HPSE2: variants seen among roughly 807,000 people sequenced by gnomAD.
HPSE2 encodes heparanase 2 (inactive), also known as inactive heparanase-2.
In HPSE2, 38 loss-of-function variants were observed where a neutral mutation model predicts 60.5. That is an observed-to-expected ratio of 0.63 (90% CI 0.48 to 0.82). The LOEUF (loss-of-function observed/expected upper bound fraction) is 0.82, where lower values mean the gene tolerates loss of function less well. Ranked by LOEUF, HPSE2 falls within the 40% of genes least tolerant of loss-of-function variation. HPSE2 has a pLI of 0.00. For missense variants in HPSE2, 713 were observed against 740.4 expected (o/e 0.96, Z 0.43); for synonymous variants, 295 against 293.2 (o/e 1.01, Z -0.06).
At chr10:98,562,094 A>T (rs955953449) in intron 9 of HPSE2, among the ~76,000 whole-genome samples, 1 of 151,478 alleles carries the variant, frequency 6.6e-6, no homozygotes, top group East Asian at 1.9e-4. Flanking sequence ...ATTTTCCCGT[A>T]CCTTTTCTAT....
At chr10:99,034,612 GAC>G (rs1179632515) in intron 3 of HPSE2, among the ~76,000 whole-genome samples, 1 of 151,908 alleles carries the variant, frequency 6.6e-6, no homozygotes, top group African/African-American at 2.4e-5. Flanking sequence ...TAGAAAAACA[GAC>G]ACATGTGTGT....
At chr10:98,728,982 C>A (rs1263625251) in intron 4 of HPSE2, among the ~76,000 whole-genome samples, 1 of 151,702 alleles carries the variant, frequency 6.6e-6, no homozygotes, top group Non-Finnish European at 1.5e-5. Context: ...GCACTCTAGC[C>A]TGGGCAACAG....
intron 3 of HPSE2, among the ~76,000 whole-genome samples, chr10:98,863,256 G>A (rs959715435): frequency 6.6e-6 from 1 of 152,080 alleles, no homozygotes; most frequent in Admixed American, 6.6e-5. Flanking sequence ...AGAATCTAGG[G>A]AATTCCAATG....
At chr10:99,189,558 G>T (rs577439859) in intron 2 of HPSE2, among the ~76,000 whole-genome samples, 1 of 152,304 alleles carries the variant, frequency 6.6e-6, no homozygotes, top group South Asian at 2.1e-4. Flanking sequence ...GTATATGGGA[G>T]CCATGCACAA....
chr10:98,517,081 G>A (rs1256156857), intron 9 of HPSE2, among the ~76,000 whole-genome samples: 1 of 151,200 alleles, frequency 6.6e-6, no homozygotes, highest in Admixed American at 6.6e-5. Flanking sequence ...CCCTTCTTTC[G>A]AATCCCAGGA....
chr10:99,264,760 T>C, the HPSE2 span, among the ~76,000 whole-genome samples: 1 of 152,152 alleles, frequency 6.6e-6, no homozygotes, highest in Non-Finnish European at 1.5e-5. Flanking sequence ...CTCCAGGTCA[T>C]CACCACTAAT....
At chr10:98,920,972 A>G (rs999453616) in intron 3 of HPSE2, among the ~76,000 whole-genome samples, 22 of 152,286 alleles carry the variant, frequency 1.4e-4, no homozygotes, top group Admixed American at 5.2e-4. Context: ...TAGAGTCAAC[A>G]CACAAGAATT....
the HPSE2 span, among the ~76,000 whole-genome samples, chr10:99,276,340 C>T: frequency 2.6e-5 from 4 of 152,064 alleles, no homozygotes; most frequent in African/African-American, 9.7e-5. Context: ...ATTTCATTAG[C>T]AAAGAAAACT....
At chr10:98,713,850 C>A (rs1187654489) in intron 5 of HPSE2, among the ~76,000 whole-genome samples, 1 of 151,936 alleles carries the variant, frequency 6.6e-6, no homozygotes, top group Admixed American at 6.6e-5. Context: ...TACTGGGTCC[C>A]TTCTCCTTTA....
chr10:98,699,272 A>G (rs889344248), intron 5 of HPSE2, among the ~76,000 whole-genome samples: 1 of 152,006 alleles, frequency 6.6e-6, no homozygotes, highest in African/African-American at 2.4e-5. Flanking sequence ...ATCCAGCAGC[A>G]CATCAAAAAG....
chr10:98,819,300 G>A (rs1951365352), intron 3 of HPSE2, among the ~76,000 whole-genome samples: 1 of 151,970 alleles, frequency 6.6e-6, no homozygotes, highest in Non-Finnish European at 1.5e-5. Context: ...ACACTCATCA[G>A]CCTCAACCAG....
At chr10:98,999,197 A>ATGTGTGTG (rs1589492039) in intron 3 of HPSE2, among the ~76,000 whole-genome samples, 5 of 122,636 alleles carry the variant, frequency 4.1e-5, no homozygotes, top group African/African-American at 3.6e-5. Context: ...GTGTGTGTGC[A>ATGTGTGTG]TGTGTGTGTA....
chr10:98,619,252 G>A (rs534549181), intron 8 of HPSE2, among the ~76,000 whole-genome samples: 1 of 152,274 alleles, frequency 6.6e-6, no homozygotes, highest in South Asian at 2.1e-4. Flanking sequence ...AAAAATCCAA[G>A]GCCATAGGAC....
intron 2 of HPSE2, among the ~76,000 whole-genome samples, chr10:99,146,178 G>A (rs115599593): frequency 4.6e-5 from 7 of 152,124 alleles, no homozygotes; most frequent in African/African-American, 1.2e-4. Flanking sequence ...TATAAATTAC[G>A]TTCTATAAAA....
chr10:99,122,720 A>C (rs1845006132), intron 3 of HPSE2, among the ~76,000 whole-genome samples: 1 of 152,122 alleles, frequency 6.6e-6, no homozygotes, highest in Admixed American at 6.5e-5. Context: ...GAAAAATATC[A>C]ATCCTTCCCA....
chr10:99,313,570 G>C, the HPSE2 span, among the ~76,000 whole-genome samples: 1 of 145,302 alleles, frequency 6.9e-6, no homozygotes, highest in South Asian at 2.3e-4. Context: ...AGCAGCAGCA[G>C]GGTTTGAGAT....
chr10:99,100,583 G>T (rs544413888), intron 3 of HPSE2, among the ~76,000 whole-genome samples: 1 of 152,318 alleles, frequency 6.6e-6, no homozygotes, highest in African/African-American at 2.4e-5. Context: ...ATATTAGCCA[G>T]GAGAACTTTC....
intron 9 of HPSE2, among the ~76,000 whole-genome samples, chr10:98,543,843 C>A (rs1943560447): frequency 6.6e-6 from 1 of 152,062 alleles, no homozygotes; most frequent in Admixed American, 6.6e-5. Context: ...TCCTGAGTGA[C>A]CTACAAAGAG....
intron 3 of HPSE2, among the ~76,000 whole-genome samples, chr10:99,062,536 G>T (rs901281721): frequency 2.0e-5 from 3 of 151,432 alleles, no homozygotes; most frequent in Non-Finnish European, 4.4e-5. Context: ...TTCTCTACTT[G>T]CCATCTCTCT....
Sources: gnomAD v4.1 joint callset for allele counts (sites outside exome capture counted in the v4.1 genomes callset) on GRCh38, gnomAD v4.1.1 for gene constraint, MANE v1.5 for transcripts, NCBI Gene and HGNC (gene_info 2026-07-23, HGNC 2026-07-21) for gene names.